Variants in CARMIL1 observed in about 807,000 individuals in gnomAD.
CARMIL1 encodes the protein capping protein regulator and myosin 1 linker 1, also known as F-actin-uncapping protein LRRC16A.
A neutral mutation model predicts 177.1 loss-of-function variants in CARMIL1; 90 were observed. The observed-to-expected ratio is 0.51, with a 90% confidence interval of 0.43 to 0.61. The LOEUF (loss-of-function observed/expected upper bound fraction) is 0.61. Ranked by LOEUF, CARMIL1 falls within the 20% of genes least tolerant of loss-of-function variation. CARMIL1 has a pLI of 0.00. For missense variants in CARMIL1, 1,380 were observed against 1,667.0 expected (o/e 0.83, Z 3.00); for synonymous variants, 577 against 606.2 (o/e 0.95, Z 0.71).
Position 25,600,475 on chromosome 6 carries a change from C to T in CARMIL1, c.3281C>T (p.Ser1094Leu), listed in dbSNP as rs757413162. 141 of 1,613,932 alleles carry T rather than the reference C, an allele frequency of 8.7e-5. No homozygotes were observed. The highest frequency in any genetic ancestry group is 1.2e-4 in the Non-Finnish European group (138 of 1,179,916). Residue 1094 changes from serine (S) to leucine (L), a missense_variant, in exon 33 of 37, where the codon TCA becomes TTA. By Grantham distance (145) the Ser-to-Leu change is moderately radical (BLOSUM62 -2). Coordinates refer to ENST00000329474, the MANE Select transcript of CARMIL1 (RefSeq NM_017640.6). Reference protein sequence around the residue: ...PTILMTEEPSSPKGAVRSPPV... With the variant: ...PTILMTEEPSLPKGAVRSPPV... ...ATCTTGATGACAGAAGAACCCTCCT[C>T]ACCAAAAGGGGCAGTCAGAAGTCCA...
chr6:25,495,100 G>T lies in CARMIL1; in HGVS notation c.1221-11G>T. On this transcript the variant is annotated splice_polypyrimidine_tract_variant and intron_variant, in intron 15 of 36. Transcript: ENST00000329474. ...GTGTAACCGCTTGTGTAACTCTTGTGTTTTTTTCAGGAAAGGAAAAGAAGT... is the reference window on the plus strand; with the variant it reads ...GTGTAACCGCTTGTGTAACTCTTGTTTTTTTTTCAGGAAAGGAAAAGAAGT... 6.4e-7 allele frequency: 1 copy of T among 1,569,548 alleles called. No homozygotes were observed. The highest frequency in any genetic ancestry group is 2.3e-5 in the East Asian group (1 of 44,362).
At chr6:25,491,882 C>A in intron 14 of CARMIL1, 66 bp from the exon 15 acceptor site, 1 of 1,543,116 alleles carries the variant, frequency 6.5e-7, no homozygotes. Context: ...TGTAGGGGAC[C>A]TCTAATAAAA....
intron 2 of CARMIL1, among the ~76,000 whole-genome samples, chr6:25,358,051 A>G (rs1403402038): frequency 6.6e-6 from 1 of 152,236 alleles, no homozygotes; most frequent in Non-Finnish European, 1.5e-5. Flanking sequence ...CCACAGAAGT[A>G]CCTCACACGC....
At chr6:25,445,536 CTT>C (rs1191252796) in intron 5 of CARMIL1, among the ~76,000 whole-genome samples, 31 of 136,526 alleles carry the variant, frequency 2.3e-4, no homozygotes, top group Non-Finnish European at 1.1e-4. Flanking sequence ...AAATATATTT[CTT>C]TTTTTTTTTT....
intron 8 of CARMIL1, among the ~76,000 whole-genome samples, chr6:25,460,550 A>T (rs1800032709): frequency 6.6e-6 from 1 of 152,156 alleles, no homozygotes; most frequent in Admixed American, 6.5e-5. Context: ...TCTTACATAA[A>T]GCGTTTGCTG....
chr6:25,387,114 CAAAAAA>C (rs377548646), intron 2 of CARMIL1, among the ~76,000 whole-genome samples: 1 of 101,964 alleles, frequency 9.8e-6, no homozygotes, highest in Non-Finnish European at 1.8e-5. Context: ...ACTCTGTCTC[CAAAAAA>C]AAAAAAAAAA....
rs145239526 is a variant in CARMIL1 at position 25,387,363 on chromosome 6, C to T, written c.139-32751C>T. Among the ~76,000 whole-genome samples the T allele has an allele frequency of 1.2e-4, 19 of 152,262 alleles. 1 individual carries two copies. In the East Asian group the frequency reaches 3.7e-3, roughly 29 times the overall value. Reference sequence around the variant, plus strand: ...GTTCCCCAGATAATAGGCTGAAGAGCATATGCAGAGATATAAAAGTCAATG... The same window carrying T: ...GTTCCCCAGATAATAGGCTGAAGAGTATATGCAGAGATATAAAAGTCAATG... On this transcript the variant is annotated intron_variant, in intron 2 of 36. Transcript: ENST00000329474.
chr6:25,374,892 C>T (rs964393054), intron 2 of CARMIL1, among the ~76,000 whole-genome samples: 1 of 152,092 alleles, frequency 6.6e-6, no homozygotes, highest in African/African-American at 2.4e-5. Context: ...ACCACTTTAC[C>T]TGGAGTCTAT....
At chr6:25,425,212 G>T (rs1055726976) in intron 3 of CARMIL1, among the ~76,000 whole-genome samples, 1 of 152,118 alleles carries the variant, frequency 6.6e-6, no homozygotes, top group Non-Finnish European at 1.5e-5. Flanking sequence ...CACATAGTGG[G>T]CTTTTCATAA....
chr6:25,386,396 G>C (rs1467502064), intron 2 of CARMIL1, among the ~76,000 whole-genome samples: 1 of 152,022 alleles, frequency 6.6e-6, no homozygotes, highest in South Asian at 2.1e-4. Flanking sequence ...GGGATTACAG[G>C]TGTCTGCCAC....
At chr6:25,339,373 A>G (rs562986935) in intron 2 of CARMIL1, among the ~76,000 whole-genome samples, 1 of 152,314 alleles carries the variant, frequency 6.6e-6, no homozygotes, top group Admixed American at 6.5e-5. Context: ...TGGAGGGTCA[A>G]TTAGAGTCTT....
At chr6:25,327,912 G>T (rs1353328824) in intron 2 of CARMIL1, among the ~76,000 whole-genome samples, 1 of 152,188 alleles carries the variant, frequency 6.6e-6, no homozygotes, top group Non-Finnish European at 1.5e-5. Context: ...ATATTAGAAT[G>T]TTCTACTTTT....
Position 25,404,392 on chromosome 6 carries a change from AAC to A in CARMIL1, c.139-15721_139-15720del, listed in dbSNP as rs1794169075. On this transcript the variant is annotated intron_variant, in intron 2 of 36. Coordinates refer to ENST00000329474, the MANE Select transcript of CARMIL1 (RefSeq NM_017640.6). ...GCTGCTTTGGGTATATGTTTGTTTG[AAC>A]GGGGTAGGGACAGTGGATGAAGGAC... is the stretch of plus-strand genomic sequence containing the variant. Among the ~76,000 whole-genome samples the A allele has an allele frequency of 2.6e-5, 4 of 152,268 alleles. No individual in the cohort carries two copies. The South Asian group carries it at 6.2e-4, about 24-fold the overall frequency.
chr6:25,553,960 CCT>C (rs1810374446), intron 27 of CARMIL1, 47 bp from the exon 28 acceptor site: 2 of 1,222,200 alleles, frequency 1.6e-6, no homozygotes, highest in East Asian at 2.5e-5. Flanking sequence ...ATCATTTTCC[CCT>C]CTTGCACAAA....
chr6:25,324,182 G>T (rs1302677613), intron 2 of CARMIL1, among the ~76,000 whole-genome samples: 1 of 152,180 alleles, frequency 6.6e-6, no homozygotes, highest in Non-Finnish European at 1.5e-5. Context: ...TGCCACAGAG[G>T]GTAGCAAATC....
chr6:25,288,051 T>G (rs189525293), intron 2 of CARMIL1, among the ~76,000 whole-genome samples: 1 of 152,100 alleles, frequency 6.6e-6, no homozygotes, highest in East Asian at 1.9e-4. Context: ...GTGCTATGAG[T>G]GGATGAATCG....
At chr6:25,420,400 AT>A in intron 3 of CARMIL1, 2 of 491,310 alleles carry the variant, frequency 4.1e-6, no homozygotes, top group Non-Finnish European at 3.6e-6. Context: ...TGAGAAACAT[AT>A]TTTTTACTCC....
intron 2 of CARMIL1, among the ~76,000 whole-genome samples, chr6:25,333,518 A>T (rs996116467): frequency 1.2e-4 from 18 of 152,232 alleles, no homozygotes; most frequent in Admixed American, 9.2e-4. Flanking sequence ...GTGAGCCAAG[A>T]TTGTGCCACT....
chr6:25,480,423 A>G lies in CARMIL1; in HGVS notation c.875-1834A>G, dbSNP rs531220891. On this transcript the variant is annotated intron_variant, in intron 11 of 36. Coordinates refer to ENST00000329474, the MANE Select transcript of CARMIL1 (RefSeq NM_017640.6). ...TTAATGAAATATTCCATTTATCTTTAGTAATGTTTCTTAAAATTTAAATTG... is the reference window on the plus strand; with the variant it reads ...TTAATGAAATATTCCATTTATCTTTGGTAATGTTTCTTAAAATTTAAATTG... 2.0e-5 allele frequency among the ~76,000 whole-genome samples: 3 copies of G among 151,896 alleles called. No homozygotes were observed. In the East Asian group the frequency reaches 5.8e-4, roughly 29 times the overall value.
Sources: gnomAD v4.1 joint callset for allele counts (sites outside exome capture counted in the v4.1 genomes callset) on GRCh38, gnomAD v4.1.1 for gene constraint, MANE v1.5 for transcripts, NCBI Gene and HGNC (gene_info 2026-07-23, HGNC 2026-07-21) for gene names.